ELAC2: variants seen among roughly 807,000 people sequenced by gnomAD.
The protein encoded by ELAC2 is zinc phosphodiesterase ELAC protein 2.
ELAC2 carries 92 observed loss-of-function variants against 105.2 expected under a neutral mutation model. The ratio of observed to expected loss-of-function variants is 0.87; its 90% CI spans 0.74 to 1.04. The LOEUF is 1.04. Among genes scored for constraint, ELAC2 ranks in the 50% least tolerant of loss-of-function variants. ELAC2 has a pLI of 0.00. For missense variants in ELAC2, 1,099 were observed against 1,071.7 expected, an observed-to-expected ratio of 1.03 and a Z score of -0.36; for synonymous variants, 468 against 409.1, an observed-to-expected ratio of 1.14 and a Z score of -1.74.
chr17:13,014,290 CAAAAAAAAA>C (rs959230890), intron 5 of ELAC2, 140 bp downstream of exon 5: 26 of 376,596 alleles, frequency 6.9e-5, no homozygotes, highest in Admixed American at 6.8e-4. Context: ...AGACTCTATC[CAAAAAAAAA>C]AAAAAAAAAA....
chr17:13,009,748 T>C (rs1380103640), intron 8 of ELAC2, among the ~76,000 whole-genome samples: 1 of 152,198 alleles, frequency 6.6e-6, no homozygotes, highest in East Asian at 1.9e-4. Context: ...CCCAGCATTT[T>C]GGGAGGCCAA....
chr17:13,004,193 G>C (rs566078957), intron 11 of ELAC2: 1 of 157,750 alleles, frequency 6.3e-6, no homozygotes, highest in Non-Finnish European at 1.4e-5. Context: ...CTGATTCATT[G>C]AAGAGGTTTT....
intron 5 of ELAC2, among the ~76,000 whole-genome samples, chr17:13,013,515 T>A (rs1011710681): frequency 1.3e-5 from 2 of 150,338 alleles, no homozygotes; most frequent in Non-Finnish European, 3.0e-5. Flanking sequence ...TTGGTGACTA[T>A]CCGTTAAAAA....
chr17:13,016,960 A>G (rs1319381124), intron 2 of ELAC2, 28 bp from the exon 3 acceptor site: 4 of 1,613,562 alleles, frequency 2.5e-6, no homozygotes, highest in Non-Finnish European at 3.4e-6. Flanking sequence ...TTTAAACAGG[A>G]TAACATGAAC....
chr17:13,017,521 C>CCG, intron 1 of ELAC2, 182 bp downstream of exon 1: 1 of 1,260,914 alleles, frequency 7.9e-7, no homozygotes, highest in Non-Finnish European at 1.1e-6. Context: ...CTTCACAGAT[C>CCG]CGCAGAAATC....
At chr17:13,009,734 T>G (rs2041306774) in intron 8 of ELAC2, among the ~76,000 whole-genome samples, 1 of 152,218 alleles carries the variant, frequency 6.6e-6, no homozygotes, top group Admixed American at 6.5e-5. Flanking sequence ...TTCACGCCTG[T>G]AATCCCAGCA....
At chr17:12,995,890 T>C in intron 18 of ELAC2, 50 bp downstream of exon 18, 1 of 1,583,856 alleles carries the variant, frequency 6.3e-7, no homozygotes, top group Non-Finnish European at 8.6e-7. Context: ...GCATGGCGGA[T>C]GATGTGTAAA....
At chr17:13,014,591 A>G (rs2041620241) in intron 4 of ELAC2, 95 bp from the exon 5 acceptor site, 4 of 901,176 alleles carry the variant, frequency 4.4e-6, no homozygotes, top group Non-Finnish European at 7.5e-6. Context: ...AGGTATCAAC[A>G]TAAAACAAAG....
chr17:13,012,035 C>T (rs2041443166), intron 6 of ELAC2, among the ~76,000 whole-genome samples: 1 of 152,148 alleles, frequency 6.6e-6, no homozygotes, highest in Non-Finnish European at 1.5e-5. Context: ...ATCTAAACAG[C>T]ATGTGGGTTG....
At position 12,993,671 on chromosome 17, in the gene ELAC2, CGT is replaced by C. The variant is rs778977916; in HGVS notation, c.2253+14_2253+15del. 8.1e-6 allele frequency: 13 copies of C among 1,614,110 alleles called. No individual in the cohort carries two copies. The Admixed American group carries it at 2.2e-4, about 27-fold the overall frequency. ...TGCCCCGTCCCCGCCCTGTGCTGTC[CGT>C]GTGACATACAGACCTTCATGTGGTC... On this transcript the variant is annotated intron_variant, in intron 23 of 23. Coordinates refer to ENST00000338034, the MANE Select transcript of ELAC2 (RefSeq NM_018127.7).
intron 19 of ELAC2, 34 bp downstream of exon 19, chr17:12,995,669 C>T (rs1245062461): frequency 6.3e-7 from 1 of 1,581,348 alleles, no homozygotes; most frequent in Non-Finnish European, 8.6e-7. Context: ...CAGCAAGCAA[C>T]AGCCCAGCGG....
At chr17:12,994,011 C>G (rs1244038983) in intron 22 of ELAC2, among the ~76,000 whole-genome samples, 180 bp from the exon 23 acceptor site, 1 of 152,142 alleles carries the variant, frequency 6.6e-6, no homozygotes, top group Non-Finnish European at 1.5e-5. Context: ...CGCACACACC[C>G]CTGGATGAAG....
intron 22 of ELAC2, among the ~76,000 whole-genome samples, 169 bp downstream of exon 22, chr17:12,994,256 A>G (rs2040350998): frequency 6.6e-6 from 1 of 152,146 alleles, no homozygotes; most frequent in Admixed American, 6.5e-5. Context: ...ATTCTGCAAA[A>G]ATAAAGGCCA....
intron 22 of ELAC2, among the ~76,000 whole-genome samples, chr17:12,994,115 T>C (rs1207403144): frequency 2.0e-5 from 3 of 152,198 alleles, no homozygotes; most frequent in Admixed American, 1.3e-4. Flanking sequence ...TCGTTGAAAT[T>C]AGCAGCCAAA....
At position 13,003,590 on chromosome 17, in the gene ELAC2, G is replaced by A. The variant is rs1424930599; in HGVS notation, c.984-16C>T. On this transcript the variant is annotated splice_polypyrimidine_tract_variant and intron_variant, in intron 11 of 23. Transcript: ENST00000338034. ...TCCTTGGTACCTGGGCAGAAGAGTG[G>A]GGCTTTACAAAGTGATGCAGACTCA... The A allele has an allele frequency of 6.2e-7, 1 of 1,612,042 alleles. No homozygotes were observed. Among genetic ancestry groups the A allele is most frequent in the Admixed American group, 1.7e-5 (1 of 60,020 alleles).
chr17:13,014,355 A>G (rs2041605959), intron 5 of ELAC2, 84 bp downstream of exon 5: 11 of 875,192 alleles, frequency 1.3e-5, no homozygotes, highest in Non-Finnish European at 1.9e-5. Flanking sequence ...TTTGATGTTG[A>G]TGTTTTTAAT....
At position 13,016,907 on chromosome 17, in the gene ELAC2, T is replaced by C; in HGVS notation, c.322A>G (p.Ile108Val). 1.9e-6 allele frequency: 3 copies of C among 1,614,182 alleles called. No homozygotes were observed. The highest frequency in any genetic ancestry group is 1.7e-6 in the Non-Finnish European group (2 of 1,180,038). ...GACCAGTGCATTCGTGTCAGGAATA[T>C]GTTGTCCAGGCGAGCAACCTTTAAC... Reference protein sequence around the residue: ...HKLKVARLDNIFLTRMHWSNV... With the variant: ...HKLKVARLDNVFLTRMHWSNV... Residue 108 changes from isoleucine to valine, a missense_variant, in exon 3 of 24, where the codon ATA (isoleucine) becomes GTA (valine). Physicochemically the swap from Ile to Val is conservative, Grantham distance 29. Coordinates refer to ENST00000338034, the MANE Select transcript of ELAC2 (RefSeq NM_018127.7).
chr17:13,017,623 A>C, intron 1 of ELAC2, 80 bp downstream of exon 1: 1 of 1,603,042 alleles, frequency 6.2e-7, no homozygotes, highest in Non-Finnish European at 8.5e-7. Context: ...GGGAAGCCGA[A>C]GCCCTGGGAG....
At position 13,004,927 on chromosome 17, in the gene ELAC2, C is replaced by G. The variant is rs2041021594; in HGVS notation, c.983+62G>C. 15 of 1,277,532 alleles carry G rather than the reference C, an allele frequency of 1.2e-5. No homozygotes were observed. In the South Asian group the frequency reaches 1.2e-4, roughly 10 times the overall value. 79.1% of individuals were successfully genotyped at this position (1,277,532 alleles called of 1,614,324 possible). ...AAACACAGCTCTTGCCACAAGATGC[C>G]CATGTCGATGCTGGGCTGGGTTTCA... On this transcript the variant is annotated intron_variant, in intron 11 of 23. Transcript: ENST00000338034.
Sources: allele counts gnomAD v4.1 joint callset (sites outside exome capture counted in the v4.1 genomes callset), GRCh38; gene constraint gnomAD v4.1.1; transcripts MANE v1.5; gene names NCBI Gene and HGNC (gene_info 2026-07-23, HGNC 2026-07-21).